VPS13B: variants seen among roughly 807,000 people sequenced by gnomAD.
VPS13B encodes intermembrane lipid transfer protein VPS13B.
In VPS13B, 285 loss-of-function variants were observed where a neutral mutation model predicts 426.4. That is an observed-to-expected ratio of 0.67 (90% confidence interval 0.61 to 0.74). The LOEUF (loss-of-function observed/expected upper bound fraction) is 0.74, where lower values mean the gene tolerates loss of function less well. Ranked by LOEUF, VPS13B falls within the 30% of genes least tolerant of loss-of-function variation. VPS13B has a pLI of 0.00. For missense variants in VPS13B, 4,537 were observed against 4,782.6 expected (o/e 0.95, Z 1.51); for synonymous variants, 1,676 against 1,676.4 (o/e 1.00, Z 0.01).
chr8:99,349,888 A>C (rs1811779489), intron 19 of VPS13B, among the ~76,000 whole-genome samples: 1 of 152,144 alleles, frequency 6.6e-6, no homozygotes, highest in South Asian at 2.1e-4. Flanking sequence ...TGGCAAAGAT[A>C]CAGTGGATGG....
intron 2 of VPS13B, among the ~76,000 whole-genome samples, chr8:99,018,214 C>T (rs768288364): frequency 2.6e-5 from 4 of 151,988 alleles, no homozygotes; most frequent in Non-Finnish European, 5.9e-5. Flanking sequence ...GGCAAAACCT[C>T]GTCTCTACTA....
chr8:99,850,445 T>C (rs1816227012), intron 55 of VPS13B, among the ~76,000 whole-genome samples: 1 of 149,770 alleles, frequency 6.7e-6, no homozygotes, highest in Admixed American at 6.7e-5. Context: ...GAAATAAGAC[T>C]GAAAAGAAAA....
At chr8:99,576,004 A>G (rs1825757751) in intron 32 of VPS13B, among the ~76,000 whole-genome samples, 1 of 151,950 alleles carries the variant, frequency 6.6e-6, no homozygotes, top group African/African-American at 2.4e-5. Flanking sequence ...CTTATTTGCT[A>G]CTCCTCATAT....
At chr8:99,149,321 G>A (rs889844989) in intron 14 of VPS13B, among the ~76,000 whole-genome samples, 4 of 152,086 alleles carry the variant, frequency 2.6e-5, no homozygotes, top group African/African-American at 7.2e-5. Flanking sequence ...TTATTTGTTC[G>A]TTTGTTTGCT....
Position 99,641,893 on chromosome 8 carries a change from A to T in VPS13B, c.5303A>T (p.Asp1768Val). 2 of 1,614,112 alleles carry T rather than the reference A, an allele frequency of 1.2e-6. No homozygotes were observed. Among genetic ancestry groups the T allele is most frequent in the Non-Finnish European group, 1.7e-6 (2 of 1,180,010 alleles). ...TCATCTCGCTACAGTGGTGCTCAGG[A>T]TAGTGGAATTGGCAGTGACAGTGTT... is the stretch of plus-strand genomic sequence containing the variant. Reference protein sequence around the residue: ...ETSSRYSGAQDSGIGSDSVKI... With the variant: ...ETSSRYSGAQVSGIGSDSVKI... The change falls in exon 34 of 62, where the codon GAT becomes GTT. Residue 1768 changes from aspartate (D) to valine (V), a missense_variant. Coordinates refer to ENST00000357162, the MANE Select transcript of VPS13B (RefSeq NM_152564.5).
chr8:99,141,423 G>A (rs1810415720), intron 12 of VPS13B, among the ~76,000 whole-genome samples: 1 of 152,242 alleles, frequency 6.6e-6, no homozygotes, highest in Non-Finnish European at 1.5e-5. Flanking sequence ...ACGCATAGCA[G>A]GGCATTTTTA....
At chr8:99,615,876 G>T (rs1409225315) in intron 33 of VPS13B, among the ~76,000 whole-genome samples, 1 of 151,846 alleles carries the variant, frequency 6.6e-6, no homozygotes, top group African/African-American at 2.4e-5. Context: ...TCTTTCAAAC[G>T]TTTATTGTCT....
At chr8:99,603,832 A>T (rs1827438695) in intron 33 of VPS13B, among the ~76,000 whole-genome samples, 1 of 152,156 alleles carries the variant, frequency 6.6e-6, no homozygotes, top group Non-Finnish European at 1.5e-5. Context: ...TGCCCATTTG[A>T]TGATTTTTTC....
intron 51 of VPS13B, among the ~76,000 whole-genome samples, chr8:99,828,960 C>T (rs1185786548): frequency 3.9e-5 from 6 of 152,030 alleles, no homozygotes; most frequent in Non-Finnish European, 7.4e-5. Context: ...TTCTCTTGGC[C>T]GAGAGATCCA....
At chr8:99,751,796 C>A (rs1433141162) in intron 39 of VPS13B, among the ~76,000 whole-genome samples, 1 of 152,110 alleles carries the variant, frequency 6.6e-6, no homozygotes, top group Admixed American at 6.6e-5. Flanking sequence ...CATGAGAATG[C>A]TGGATCAGAG....
intron 5 of VPS13B, among the ~76,000 whole-genome samples, chr8:99,103,850 G>A (rs1846899686): frequency 6.6e-6 from 1 of 152,048 alleles, no homozygotes; most frequent in Non-Finnish European, 1.5e-5. Flanking sequence ...TGCCCAGGTT[G>A]GTCTTGAACT....
At chr8:99,518,606 C>A (rs1489531417) in intron 29 of VPS13B, among the ~76,000 whole-genome samples, 1 of 152,066 alleles carries the variant, frequency 6.6e-6, no homozygotes, top group Non-Finnish European at 1.5e-5. Context: ...TCCCTCCTCC[C>A]TTCATGGTTA....
intron 23 of VPS13B, among the ~76,000 whole-genome samples, chr8:99,457,949 G>A (rs1403115212): frequency 2.0e-5 from 3 of 151,754 alleles, no homozygotes; most frequent in Non-Finnish European, 2.9e-5. Flanking sequence ...AAGTTTTAGG[G>A]TACATGTGCA....
At chr8:99,121,996 CACG>C (rs1205726553) in intron 8 of VPS13B, among the ~76,000 whole-genome samples, 1 of 151,216 alleles carries the variant, frequency 6.6e-6, no homozygotes, top group Non-Finnish European at 1.5e-5. Flanking sequence ...GGACTACAGG[CACG>C]TGCCACTGTG....
chr8:99,274,421 T>C (rs1818787870), intron 18 of VPS13B, 89 bp downstream of exon 18: 1 of 1,585,482 alleles, frequency 6.3e-7, no homozygotes, highest in African/African-American at 1.3e-5. Flanking sequence ...AAACAAGAAT[T>C]TACTCACTGT....
intron 40 of VPS13B, among the ~76,000 whole-genome samples, chr8:99,768,168 A>G (rs1463578485): frequency 6.6e-6 from 1 of 152,196 alleles, no homozygotes; most frequent in African/African-American, 2.4e-5. Flanking sequence ...CTGTGAGGCT[A>G]TGCTGTTCAT....
intron 22 of VPS13B, among the ~76,000 whole-genome samples, chr8:99,438,216 A>G (rs2133429200): frequency 6.6e-6 from 1 of 152,130 alleles, no homozygotes; most frequent in Admixed American, 6.6e-5. Context: ...AGTGTCAGTC[A>G]GGGTGTCTCA....
chr8:99,087,156 C>T (rs572951059), intron 3 of VPS13B, among the ~76,000 whole-genome samples: 5 of 152,284 alleles, frequency 3.3e-5, no homozygotes, highest in Admixed American at 6.5e-5. Flanking sequence ...TCAGCAATGG[C>T]GGGCGCCCCC....
intron 26 of VPS13B, among the ~76,000 whole-genome samples, 188 bp downstream of exon 26, chr8:99,502,046 G>A (rs566441858): frequency 2.0e-5 from 3 of 151,930 alleles, no homozygotes; most frequent in South Asian, 2.1e-4. Context: ...GTGCACTGGC[G>A]TGACCTTGCC....
Sources: gnomAD v4.1 joint callset for allele counts (sites outside exome capture counted in the v4.1 genomes callset) on GRCh38, gnomAD v4.1.1 for gene constraint, MANE v1.5 for transcripts, NCBI Gene and HGNC (gene_info 2026-07-23, HGNC 2026-07-21) for gene names.